The following CCDC7 variants were observed in gnomAD, a reference collection of about 807,000 sequenced individuals.
CCDC7 encodes coiled-coil domain containing 7.
A neutral mutation model predicts 196.9 loss-of-function variants in CCDC7; 183 were observed. The ratio of observed to expected loss-of-function variants is 0.93; its 90% CI spans 0.82 to 1.05. The LOEUF (loss-of-function observed/expected upper bound fraction) is 1.05, where lower values mean the gene tolerates loss of function less well. Ranked by LOEUF, CCDC7 falls within the 50% of genes least tolerant of loss-of-function variation. CCDC7 has a pLI of 0.00. For missense variants in CCDC7, 1,540 were observed against 1,482.2 expected (o/e 1.04, Z -0.64); for synonymous variants, 525 against 484.6 (o/e 1.08, Z -1.10).
chr10:32,674,686 C>T (rs557327903), intron 21 of CCDC7, among the ~76,000 whole-genome samples: 5 of 152,034 alleles, frequency 3.3e-5, no homozygotes, highest in African/African-American at 1.2e-4. Context: ...GTATTGAAGT[C>T]TCTCTCTTCA....
intron 8 of CCDC7, among the ~76,000 whole-genome samples, chr10:32,487,220 C>G (rs1272298413): frequency 2.0e-5 from 3 of 152,112 alleles, no homozygotes; most frequent in Non-Finnish European, 4.4e-5. Context: ...TCTCTTCTTA[C>G]TTCATTTCGT....
At chr10:32,616,929 CCTT>C (rs2062840014) in intron 18 of CCDC7, among the ~76,000 whole-genome samples, 1 of 151,300 alleles carries the variant, frequency 6.6e-6, no homozygotes, top group African/African-American at 2.4e-5. Flanking sequence ...TGGTTTTTGT[CCTT>C]AATGTTTATG....
At chr10:32,852,915 T>G (rs913544571) in intron 40 of CCDC7, among the ~76,000 whole-genome samples, 20 of 152,122 alleles carry the variant, frequency 1.3e-4, no homozygotes, top group African/African-American at 4.6e-4. Flanking sequence ...AGAGGAAAGT[T>G]TAAAATAATA....
At chr10:32,803,593 C>T (rs1206258681) in intron 29 of CCDC7, among the ~76,000 whole-genome samples, 12 of 152,108 alleles carry the variant, frequency 7.9e-5, no homozygotes, top group Middle Eastern at 3.4e-3. Flanking sequence ...TAATCTTTTT[C>T]GATTCATTCA....
intron 20 of CCDC7, 39 bp downstream of exon 21, chr10:32,635,197 A>G (rs2065430035): frequency 5.0e-6 from 2 of 396,988 alleles, no homozygotes; most frequent in African/African-American, 2.1e-5. Context: ...ATTATTTTCA[A>G]TTATATTAAA....
chr10:32,779,191 T>G, intron 29 of CCDC7, 107 bp downstream of exon 30: 1 of 796,302 alleles, frequency 1.3e-6, no homozygotes, highest in East Asian at 2.9e-5. Flanking sequence ...AGGAGTAGTC[T>G]TTCTCAACTT....
At chr10:32,531,565 C>A (rs977845225) in intron 11 of CCDC7, among the ~76,000 whole-genome samples, 1 of 152,144 alleles carries the variant, frequency 6.6e-6, no homozygotes. Flanking sequence ...GTAATGCTGG[C>A]CTTGTAGAAT....
At chr10:32,483,359 A>G (rs1485886114) in intron 8 of CCDC7, among the ~76,000 whole-genome samples, 4 of 151,770 alleles carry the variant, frequency 2.6e-5, no homozygotes, top group Admixed American at 2.0e-4. Flanking sequence ...TTTTTCTTCT[A>G]AATTTGTTTG....
intron 39 of CCDC7, among the ~76,000 whole-genome samples, chr10:32,851,209 C>T (rs1439301505): frequency 6.6e-6 from 1 of 151,996 alleles, no homozygotes; most frequent in African/African-American, 2.4e-5. Flanking sequence ...ACATTTAATG[C>T]TATAAACTTT....
chr10:32,850,829 A>C (rs2093536195), intron 39 of CCDC7, among the ~76,000 whole-genome samples: 1 of 151,174 alleles, frequency 6.6e-6, no homozygotes, highest in Non-Finnish European at 1.5e-5. Flanking sequence ...AGAGACATGC[A>C]ATGTAACAGT....
At chr10:32,703,947 G>A (rs577299696) in intron 24 of CCDC7, among the ~76,000 whole-genome samples, 1 of 151,844 alleles carries the variant, frequency 6.6e-6, no homozygotes, top group African/African-American at 2.4e-5. Context: ...TAACTTCTTT[G>A]CCATGGGTTA....
chr10:32,687,345 C>G (rs1425102623), intron 22 of CCDC7, among the ~76,000 whole-genome samples: 4 of 152,194 alleles, frequency 2.6e-5, no homozygotes, highest in Admixed American at 6.5e-5. Context: ...TTACAGTCTT[C>G]CACATGCTTC....
Position 32,651,088 on chromosome 10 carries a change from G to C in CCDC7, c.2015-12966G>C, listed in dbSNP as rs377628593. On this transcript the variant is annotated intron_variant, in intron 20 of 41. Transcript: ENST00000639629. Reference sequence around the variant, plus strand: ...TTGCTGGGACTGACCTGCACTCAAGGGTCCTCAGCTTTGCACCTGCTGCAG... The same window carrying C: ...TTGCTGGGACTGACCTGCACTCAAGCGTCCTCAGCTTTGCACCTGCTGCAG... 2.0e-5 allele frequency among the ~76,000 whole-genome samples: 3 copies of C among 152,216 alleles called. No individual in the cohort carries two copies. In the East Asian group the frequency reaches 5.8e-4, roughly 29 times the overall value.
intron 40 of CCDC7, among the ~76,000 whole-genome samples, chr10:32,854,047 T>C (rs1279685513): frequency 1.3e-5 from 2 of 152,134 alleles, no homozygotes; most frequent in African/African-American, 4.8e-5. Flanking sequence ...CTCTCCTCAC[T>C]AGGGATCTCC....
chr10:32,582,397 A>G (rs1165244530), intron 16 of CCDC7, among the ~76,000 whole-genome samples: 1 of 151,876 alleles, frequency 6.6e-6, no homozygotes, highest in African/African-American at 2.4e-5. Flanking sequence ...GGACTAGGAA[A>G]GCTTTGTTAA....
At chr10:32,881,154 T>G (rs1340525627), downstream of CCDC7, among the ~76,000 whole-genome samples, 2 of 152,148 alleles carry the variant, frequency 1.3e-5, no homozygotes, top group Non-Finnish European at 2.9e-5. Context: ...GCTAACATTT[T>G]GCACAGGGGC....
At chr10:32,625,571 A>G (rs1204092137) in intron 18 of CCDC7, among the ~76,000 whole-genome samples, 1 of 152,090 alleles carries the variant, frequency 6.6e-6, no homozygotes. Context: ...CAGCTCAAAT[A>G]TCACTTTTTA....
intron 9 of CCDC7, among the ~76,000 whole-genome samples, chr10:32,505,718 C>T (rs1200457931): frequency 1.3e-4 from 20 of 152,304 alleles, no homozygotes; most frequent in African/African-American, 4.6e-4. Flanking sequence ...GGGTACACCT[C>T]CCAGATGGGG....
At chr10:32,541,687 T>C (rs1029097518) in intron 11 of CCDC7, among the ~76,000 whole-genome samples, 8 of 152,220 alleles carry the variant, frequency 5.3e-5, no homozygotes, top group African/African-American at 1.9e-4. Context: ...GGTCTGCCCT[T>C]GGGCCCAAGG....
Sources: gnomAD v4.1 joint callset for allele counts (sites outside exome capture counted in the v4.1 genomes callset) on GRCh38, gnomAD v4.1.1 for gene constraint, MANE v1.5 for transcripts, NCBI Gene and HGNC (gene_info 2026-07-23, HGNC 2026-07-21) for gene names.